The following ACTL8 variants were observed in gnomAD, a reference collection of about 807,000 sequenced individuals.
The protein encoded by ACTL8 is actin-like protein 8.
In ACTL8, 3 loss-of-function variants were observed where a neutral mutation model predicts 9.3. The observed-to-expected ratio is 0.32, with a 90% CI of 0.15 to 0.83. The LOEUF (loss-of-function observed/expected upper bound fraction) is 0.83, where lower values mean the gene tolerates loss of function less well. Ranked by LOEUF, ACTL8 falls within the 40% of genes least tolerant of loss-of-function variation. The probability of loss-of-function intolerance (pLI) is 0.57; values close to 1 mark genes in which losing one functional copy is unlikely to be tolerated. For missense variants in ACTL8, 381 were observed against 492.2 expected (o/e 0.77, Z 2.14); for synonymous variants, 224 against 205.9 (o/e 1.09, Z -0.75).
intron 1 of ACTL8, among the ~76,000 whole-genome samples, chr1:17,778,605 A>G (rs140929150): frequency 1.0e-3 from 158 of 152,312 alleles, no homozygotes; most frequent in Admixed American, 1.6e-3. Flanking sequence ...ATGAATCTGC[A>G]TTCTAGTCGC....
In ACTL8 at chr1:17,823,660, C is replaced by G. The variant is rs533451787; in HGVS notation, c.348+304C>G. ...GGAGGATCAGTTGAGCCCGGGAGGT[C>G]GAGAATAGAGTGAGCTGAGATCACG... is the stretch of plus-strand genomic sequence containing the variant. On this transcript the variant is annotated intron_variant, in intron 2 of 2. Coordinates refer to ENST00000375406, the MANE Select transcript of ACTL8 (RefSeq NM_030812.3). This position sits in a 1 kb window ranked among gnomAD's most constrained non-coding sequence, Gnocchi z 5.3. Among the ~76,000 whole-genome samples, 3 of 151,962 alleles carry G rather than the reference C, an allele frequency of 2.0e-5. 1 individual carries two copies. The highest frequency in any genetic ancestry group is 4.2e-4 in the South Asian group (2 of 4,796).
chr1:17,769,027 CG>C (rs998284935), intron 1 of ACTL8, among the ~76,000 whole-genome samples: 1 of 152,078 alleles, frequency 6.6e-6, no homozygotes, highest in Admixed American at 6.6e-5. Flanking sequence ...GATGAAGAGA[CG>C]GGGGGTCAGA....
intron 1 of ACTL8, among the ~76,000 whole-genome samples, chr1:17,816,306 A>G (rs1276251172): frequency 4.0e-5 from 6 of 151,604 alleles, no homozygotes; most frequent in Non-Finnish European, 7.4e-5. Context: ...GGCTCAAGCA[A>G]TCTTCCCACC....
chr1:17,784,391 G>C (rs976607601), intron 1 of ACTL8, among the ~76,000 whole-genome samples: 11 of 152,104 alleles, frequency 7.2e-5, no homozygotes, highest in Admixed American at 7.2e-4. Context: ...GATTTGGGTG[G>C]GACACAGAGC....
At chr1:17,782,542 T>C (rs958054363) in intron 1 of ACTL8, among the ~76,000 whole-genome samples, 1 of 152,184 alleles carries the variant, frequency 6.6e-6, no homozygotes, top group African/African-American at 2.4e-5. Flanking sequence ...TTCTCTGTAT[T>C]TTATTTGACA....
At chr1:17,818,010 G>A (rs745472901) in intron 1 of ACTL8, among the ~76,000 whole-genome samples, 11 of 152,002 alleles carry the variant, frequency 7.2e-5, no homozygotes, top group East Asian at 1.9e-4. Context: ...CCTCAACCAC[G>A]TTCAATTCCA....
At chr1:17,779,912 T>G in intron 1 of ACTL8, among the ~76,000 whole-genome samples, 1 of 152,144 alleles carries the variant, frequency 6.6e-6, no homozygotes, top group Non-Finnish European at 1.5e-5. Flanking sequence ...TCCATAAAGC[T>G]TAAGAACCTT....
chr1:17,809,885 A>AC (rs570366043), intron 1 of ACTL8, among the ~76,000 whole-genome samples: 1 of 152,028 alleles, frequency 6.6e-6, no homozygotes, highest in Non-Finnish European at 1.5e-5. Context: ...CCGTAAACCA[A>AC]CCCCTACTCC....
At chr1:17,811,809 A>C (rs907545039) in intron 1 of ACTL8, among the ~76,000 whole-genome samples, 1 of 150,382 alleles carries the variant, frequency 6.6e-6, no homozygotes. Context: ...GTTCTTTTCT[A>C]CTGATCCATG....
intron 1 of ACTL8, among the ~76,000 whole-genome samples, chr1:17,812,266 C>A (rs1347806717): frequency 6.6e-6 from 1 of 152,110 alleles, no homozygotes; most frequent in Non-Finnish European, 1.5e-5. Flanking sequence ...CTTTGCCTTA[C>A]CATATACACT....
chr1:17,813,500 A>G (rs1478184044), intron 1 of ACTL8, among the ~76,000 whole-genome samples: 2 of 152,190 alleles, frequency 1.3e-5, no homozygotes, highest in African/African-American at 2.4e-5. Context: ...ATTGTGTACT[A>G]TTCTTTTTAT....
intron 1 of ACTL8, among the ~76,000 whole-genome samples, chr1:17,764,697 C>T (rs1398434976): frequency 6.6e-6 from 1 of 152,212 alleles, no homozygotes; most frequent in Non-Finnish European, 1.5e-5. Flanking sequence ...GCCTGAGAGC[C>T]TGGGTTTTAA....
chr1:17,799,340 A>G (rs180855574), intron 1 of ACTL8, among the ~76,000 whole-genome samples: 2 of 151,846 alleles, frequency 1.3e-5, no homozygotes, highest in Non-Finnish European at 2.9e-5. Flanking sequence ...TCATCCCTTT[A>G]CTGTGTGTGT....
intron 1 of ACTL8, among the ~76,000 whole-genome samples, chr1:17,774,447 G>T (rs1036221925): frequency 5.9e-5 from 9 of 152,084 alleles, no homozygotes; most frequent in African/African-American, 1.7e-4. Flanking sequence ...ACAGGATACT[G>T]GGGGACTGGG....
chr1:17,826,317 G>T lies in ACTL8; in HGVS notation c.899G>T (p.Gly300Val). The T allele has an allele frequency of 6.2e-7, 1 of 1,613,270 alleles. No homozygotes were observed. The highest frequency in any genetic ancestry group is 8.5e-7 in the Non-Finnish European group (1 of 1,179,464). The change falls in exon 3 of 3, where the codon GGC (glycine) becomes GTC (valine). Residue 300 changes from glycine to valine, a missense_variant. Gly to Val is a moderately radical substitution (Grantham distance 109). Coordinates refer to ENST00000375406, the MANE Select transcript of ACTL8 (RefSeq NM_030812.3). This position sits in a 1 kb window ranked among gnomAD's most constrained non-coding sequence, Gnocchi z 4.5. Reference protein sequence around the residue: ...LLVSHVMACGGNTLYPGFTKR... With the variant: ...LLVSHVMACGVNTLYPGFTKR... ...GTCTCCCACGTGATGGCCTGCGGGG[G>T]CAACACCCTCTATCCCGGGTTCACA...
chr1:17,785,384 C>T (rs979973726), intron 1 of ACTL8, among the ~76,000 whole-genome samples: 1 of 152,218 alleles, frequency 6.6e-6, no homozygotes, highest in African/African-American at 2.4e-5. Context: ...GCCATGTTGA[C>T]TGGAAAGGTT....
chr1:17,805,335 A>G (rs2066351413), intron 1 of ACTL8, among the ~76,000 whole-genome samples: 1 of 139,904 alleles, frequency 7.1e-6, no homozygotes, highest in Non-Finnish European at 1.6e-5. Flanking sequence ...TTTTCTTTAT[A>G]GCTAGTGCTT....
chr1:17,764,575 C>CG (rs2066030995), intron 1 of ACTL8, among the ~76,000 whole-genome samples: 4 of 82,442 alleles, frequency 4.9e-5, no homozygotes, highest in Non-Finnish European at 1.3e-4. Flanking sequence ...AGCTTCTGGG[C>CG]ACCCCCCCAC....
rs1351319121 is a variant in ACTL8 at position 17,755,745 on chromosome 1, C to T, written c.-25+241C>T. 2.6e-5 allele frequency among the ~76,000 whole-genome samples: 4 copies of T among 152,272 alleles called. No homozygotes were observed. The East Asian group carries it at 5.8e-4, about 22-fold the overall frequency. On this transcript the variant is annotated intron_variant, in intron 1 of 2. Transcript: ENST00000375406. ...GCTTTTGGAGGAGACTCTTCCATAGCGGCTGTACCTCAGCCACATGTGTGG... is the reference window on the plus strand; with the variant it reads ...GCTTTTGGAGGAGACTCTTCCATAGTGGCTGTACCTCAGCCACATGTGTGG...
Sources: gnomAD v4.1 joint callset for allele counts (sites outside exome capture counted in the v4.1 genomes callset) on GRCh38, gnomAD v4.1.1 for gene constraint, Gnocchi (gnomAD v3.1) non-coding constraint, MANE v1.5 for transcripts, NCBI Gene and HGNC (gene_info 2026-07-23, HGNC 2026-07-21) for gene names.